Variants in SLCO6A1 observed in about 807,000 individuals in gnomAD.
SLCO6A1 encodes the protein solute carrier organic anion transporter family member 6A1.
A neutral mutation model predicts 72.7 loss-of-function variants in SLCO6A1; 65 were observed. The ratio of observed to expected loss-of-function variants is 0.89; its 90% CI spans 0.73 to 1.10. The LOEUF (loss-of-function observed/expected upper bound fraction) is 1.10, where lower values mean the gene tolerates loss of function less well. SLCO6A1 is among the 50% of genes least tolerant of loss of function. SLCO6A1 has a pLI of 0.00. For synonymous variants in SLCO6A1, 314 were observed against 298.2 expected (o/e 1.05, Z -0.55); for missense variants, 874 against 872.6 (o/e 1.00, Z -0.02).
At chr5:102,391,135 T>G in intron 10 of SLCO6A1, 90 bp from the exon 11 acceptor site, 1 of 1,252,344 alleles carries the variant, frequency 8.0e-7, no homozygotes, top group South Asian at 1.2e-5. Flanking sequence ...ATTTTTTTTT[T>G]CTGGTGCATC....
At chr5:102,425,813 C>A (rs913468642) in intron 7 of SLCO6A1, among the ~76,000 whole-genome samples, 2 of 126,474 alleles carry the variant, frequency 1.6e-5, no homozygotes, top group Non-Finnish European at 3.4e-5. Flanking sequence ...ACAGCCAAGA[C>A]AATCCTAAGC....
At chr5:102,386,521 G>A (rs1447617704) in intron 12 of SLCO6A1, among the ~76,000 whole-genome samples, 2 of 152,078 alleles carry the variant, frequency 1.3e-5, no homozygotes, top group Non-Finnish European at 2.9e-5. Flanking sequence ...CTGGAGCCTG[G>A]GAATACAGGG....
At chr5:102,383,504 T>C (rs553331063) in intron 12 of SLCO6A1, among the ~76,000 whole-genome samples, 9 of 151,922 alleles carry the variant, frequency 5.9e-5, no homozygotes, top group African/African-American at 2.2e-4. Context: ...ATTAACTGAT[T>C]TGTGTATGTT....
intron 9 of SLCO6A1, among the ~76,000 whole-genome samples, chr5:102,412,734 C>T (rs1002124798): frequency 6.6e-6 from 1 of 150,856 alleles, no homozygotes; most frequent in Non-Finnish European, 1.5e-5. Flanking sequence ...GCACTCCAGC[C>T]TGGGTGACAG....
At chr5:102,423,768 C>T (rs747121159) in intron 7 of SLCO6A1, among the ~76,000 whole-genome samples, 2 of 152,126 alleles carry the variant, frequency 1.3e-5, no homozygotes, top group African/African-American at 4.8e-5. Context: ...CTGGACCAAG[C>T]TGATCTAATA....
intron 7 of SLCO6A1, among the ~76,000 whole-genome samples, chr5:102,421,806 A>G (rs1391683990): frequency 1.3e-5 from 2 of 151,914 alleles, no homozygotes; most frequent in African/African-American, 4.8e-5. Flanking sequence ...TGGGTCCCTG[A>G]CTCCCATGCC....
At chr5:102,457,960 A>T (rs990955952) in intron 6 of SLCO6A1, among the ~76,000 whole-genome samples, 3 of 152,202 alleles carry the variant, frequency 2.0e-5, no homozygotes, top group African/African-American at 7.2e-5. Context: ...AGGGACATGG[A>T]TGAAGCTGGA....
At chr5:102,443,720 C>T (rs1351436314) in intron 6 of SLCO6A1, among the ~76,000 whole-genome samples, 2 of 152,144 alleles carry the variant, frequency 1.3e-5, no homozygotes, top group Non-Finnish European at 2.9e-5. Flanking sequence ...CCATAGATTT[C>T]CTTCCAATAA....
intron 6 of SLCO6A1, among the ~76,000 whole-genome samples, chr5:102,446,847 T>C (rs28873218): frequency 0.072 from 10,910 of 152,184 alleles, 447 homozygotes; most frequent in African/African-American, 0.1. Flanking sequence ...CTCTGCCTCC[T>C]GGGTTCAAGT....
intron 5 of SLCO6A1, among the ~76,000 whole-genome samples, chr5:102,458,989 G>C (rs933271305): frequency 3.3e-5 from 5 of 151,954 alleles, no homozygotes; most frequent in Admixed American, 6.6e-5. Context: ...ACAATTCTAA[G>C]GTAGTCAATA....
intron 12 of SLCO6A1, among the ~76,000 whole-genome samples, chr5:102,384,079 T>A (rs6890130): frequency 1.3e-5 from 2 of 151,590 alleles, no homozygotes; most frequent in African/African-American, 4.8e-5. Context: ...TCTGTTTTTC[T>A]TAGTCTAGCT....
chr5:102,491,522 C>T (rs991524521), intron 1 of SLCO6A1, among the ~76,000 whole-genome samples: 2 of 152,204 alleles, frequency 1.3e-5, no homozygotes, highest in East Asian at 1.9e-4. Context: ...CTGCAGGTCC[C>T]GAGCGCTGCC....
At chr5:102,468,656 C>T (rs1459518236) in intron 4 of SLCO6A1, among the ~76,000 whole-genome samples, 1 of 152,030 alleles carries the variant, frequency 6.6e-6, no homozygotes, top group East Asian at 1.9e-4. Flanking sequence ...GCTACTCCTG[C>T]TCACTTTTAG....
chr5:102,462,646 C>T (rs1385594507), intron 4 of SLCO6A1, among the ~76,000 whole-genome samples: 1 of 152,130 alleles, frequency 6.6e-6, no homozygotes, highest in African/African-American at 2.4e-5. Context: ...AAAGGACGTC[C>T]TATTCAACAA....
At chr5:102,376,566 T>C (rs567629532) in intron 12 of SLCO6A1, among the ~76,000 whole-genome samples, 23 of 152,120 alleles carry the variant, frequency 1.5e-4, no homozygotes, top group African/African-American at 5.1e-4. Context: ...AAATTAAAAA[T>C]AGAAATGGAT....
At chr5:102,382,013 G>T (rs368868993) in intron 12 of SLCO6A1, among the ~76,000 whole-genome samples, 2 of 151,502 alleles carry the variant, frequency 1.3e-5, no homozygotes, top group Admixed American at 1.3e-4. Flanking sequence ...TTATTCCATA[G>T]GTTATCTCTT....
intron 6 of SLCO6A1, among the ~76,000 whole-genome samples, chr5:102,439,459 C>T (rs1376912): frequency 0.64 from 97,046 of 151,798 alleles, 31,204 homozygotes; most frequent in African/African-American, 0.66. Context: ...TTTATGTTTA[C>T]ATATTTCTAA....
chr5:102,411,980 T>C (rs1748010331), intron 9 of SLCO6A1, among the ~76,000 whole-genome samples: 1 of 152,192 alleles, frequency 6.6e-6, no homozygotes, highest in African/African-American at 2.4e-5. Context: ...TGTTGTCTCT[T>C]AGGGTAGCCA....
intron 6 of SLCO6A1, among the ~76,000 whole-genome samples, chr5:102,456,996 T>C (rs1346326363): frequency 3.3e-5 from 5 of 152,124 alleles, no homozygotes; most frequent in Non-Finnish European, 5.9e-5. Context: ...AAACAAGCAA[T>C]GGGGAAAGGA....
Sources: allele counts gnomAD v4.1 joint callset (sites outside exome capture counted in the v4.1 genomes callset), GRCh38; gene constraint gnomAD v4.1.1; transcripts MANE v1.5; gene names NCBI Gene and HGNC (gene_info 2026-07-23, HGNC 2026-07-21).